EXOC6: variants seen among roughly 807,000 people sequenced by gnomAD.
EXOC6 encodes SEC15-like 1.
EXOC6 carries 60 observed loss-of-function variants against 112.5 expected under a neutral mutation model. The observed-to-expected ratio is 0.53, with a 90% confidence interval of 0.43 to 0.66. The LOEUF is 0.66. EXOC6 is among the 30% of genes least tolerant of loss of function. The pLI is 0.00. For synonymous variants in EXOC6, 295 were observed against 308.0 expected (o/e 0.96, Z 0.44); for missense variants, 855 against 957.1 (o/e 0.89, Z 1.41).
rs1006028075 is a variant in EXOC6, at chr10:92,987,668, C to T, written c.1954-9806C>T. 10 of 967,190 alleles carry T rather than the reference C, an allele frequency of 1.0e-5. No individual in the cohort carries two copies. The African/African-American group carries it at 1.8e-4, about 17-fold the overall frequency. 59.9% of individuals were successfully genotyped at this position (967,190 alleles called of 1,614,324 possible). ...GTAAGTAGATATAAACTAAAGCTAG[C>T]ATGTACATTAGAAAATAATGAATTT... On this transcript the variant is annotated intron_variant, in intron 18 of 21. Transcript: ENST00000260762.
At chr10:92,997,385 A>C in intron 18 of EXOC6, 89 bp from the exon 19 acceptor site, 1 of 1,266,998 alleles carries the variant, frequency 7.9e-7, no homozygotes. Flanking sequence ...CAACAAAAAG[A>C]ATGCCAGGTG....
At chr10:92,918,272 T>C (rs973712363) in intron 7 of EXOC6, among the ~76,000 whole-genome samples, 1 of 152,192 alleles carries the variant, frequency 6.6e-6, no homozygotes, top group African/African-American at 2.4e-5. Context: ...AATTTATAAG[T>C]TTTGCCTTGC....
intron 2 of EXOC6, among the ~76,000 whole-genome samples, chr10:92,893,755 G>A (rs1849619024): frequency 1.3e-5 from 2 of 152,132 alleles, no homozygotes; most frequent in Admixed American, 1.3e-4. Flanking sequence ...TTTCCATGCA[G>A]GGAAGTGAAC....
At chr10:92,923,278 C>A (rs1410107455) in intron 8 of EXOC6, among the ~76,000 whole-genome samples, 1 of 152,196 alleles carries the variant, frequency 6.6e-6, no homozygotes, top group Non-Finnish European at 1.5e-5. Context: ...GAACAGTTTC[C>A]TTCTTCAACA....
At chr10:93,054,534 G>A (rs547099538) in intron 20 of EXOC6, among the ~76,000 whole-genome samples, 9 of 152,164 alleles carry the variant, frequency 5.9e-5, no homozygotes, top group Non-Finnish European at 1.3e-4. Context: ...TAATTTCTGC[G>A]GATTTGCACA....
intron 1 of EXOC6, among the ~76,000 whole-genome samples, chr10:92,858,353 T>C (rs1847727647): frequency 1.3e-5 from 2 of 152,234 alleles, no homozygotes; most frequent in Non-Finnish European, 2.9e-5. Flanking sequence ...CCATCTCATG[T>C]ATGCTGGTGT....
In EXOC6 at chr10:93,058,492, A is replaced by C. The variant is rs1272293358; in HGVS notation, c.*137A>C. ...GAAGATACATGAGGGCTTAAACAAG[A>C]AATAGTAATAAATATCATTTGTATG... On this transcript the variant is annotated 3_prime_UTR_variant, in exon 22 of 22. Coordinates refer to ENST00000260762, the MANE Select transcript of EXOC6 (RefSeq NM_019053.6). The C allele has an allele frequency of 1.4e-5, 7 of 502,844 alleles. No individual in the cohort carries two copies. The highest frequency in any genetic ancestry group is 2.3e-5 in the Non-Finnish European group (7 of 305,640). 31.1% of individuals were successfully genotyped at this position (502,844 alleles called of 1,614,324 possible).
intron 20 of EXOC6, among the ~76,000 whole-genome samples, chr10:93,033,916 G>A (rs1845389590): frequency 6.6e-6 from 1 of 152,180 alleles, no homozygotes; most frequent in African/African-American, 2.4e-5. Context: ...AAAAAGTTAG[G>A]AGTGTAAAAA....
chr10:93,030,127 C>G (rs1408556372), intron 20 of EXOC6, among the ~76,000 whole-genome samples: 1 of 152,110 alleles, frequency 6.6e-6, no homozygotes, highest in East Asian at 1.9e-4. Flanking sequence ...AGGCTGGTTT[C>G]GAACTCCCAA....
intron 9 of EXOC6, among the ~76,000 whole-genome samples, chr10:92,931,759 A>G (rs1381771188): frequency 1.3e-5 from 2 of 152,012 alleles, no homozygotes; most frequent in African/African-American, 4.8e-5. Context: ...TACTTACTAG[A>G]ATGACTAAAA....
intron 18 of EXOC6, among the ~76,000 whole-genome samples, chr10:92,991,264 C>T (rs835253): frequency 0.01 from 1,556 of 151,404 alleles, 30 homozygotes; most frequent in African/African-American, 0.036. Flanking sequence ...GGTGACACCC[C>T]GTCTCTACCA....
chr10:92,918,735 T>A (rs899008932), intron 7 of EXOC6, among the ~76,000 whole-genome samples: 2 of 152,170 alleles, frequency 1.3e-5, no homozygotes, highest in African/African-American at 4.8e-5. Flanking sequence ...CTATGTACAT[T>A]TCTGCTGTAT....
chr10:92,974,313 T>G, intron 18 of EXOC6, 81 bp downstream of exon 18: 1 of 843,366 alleles, frequency 1.2e-6, no homozygotes, highest in Non-Finnish European at 1.7e-6. Flanking sequence ...GTTTCCTTGC[T>G]TAAACCAACT....
intron 20 of EXOC6, among the ~76,000 whole-genome samples, chr10:93,038,614 A>G (rs1211346708): frequency 2.0e-5 from 3 of 152,222 alleles, no homozygotes; most frequent in African/African-American, 7.2e-5. Flanking sequence ...TATTGATTCA[A>G]CAATATTGAG....
At chr10:93,018,701 T>G (rs1247405632) in intron 20 of EXOC6, among the ~76,000 whole-genome samples, 1 of 151,922 alleles carries the variant, frequency 6.6e-6, no homozygotes, top group Non-Finnish European at 1.5e-5. Flanking sequence ...GACAAATCAG[T>G]GGGAGAAAGC....
Position 92,935,755 on chromosome 10 carries a change from A to G in EXOC6, c.1141-59A>G, listed in dbSNP as rs1032234215. Reference sequence around the variant, plus strand: ...ATTTCTTATTTCTTAGTTTTTAATCATATGACTCTGGTTTGTTGTTGTCGG... The same window carrying G: ...ATTTCTTATTTCTTAGTTTTTAATCGTATGACTCTGGTTTGTTGTTGTCGG... On this transcript the variant is annotated intron_variant, in intron 11 of 21. Coordinates refer to ENST00000260762, the MANE Select transcript of EXOC6 (RefSeq NM_019053.6). The G allele has an allele frequency of 6.3e-6, 7 of 1,111,046 alleles. No individual in the cohort carries two copies. The African/African-American group carries it at 7.8e-5, about 12-fold the overall frequency. 68.8% of individuals were successfully genotyped at this position (1,111,046 alleles called of 1,614,324 possible). A position where few individuals can be genotyped will look rare whatever the true frequency, so the allele number is the denominator to read the frequency against.
chr10:92,898,666 A>G (rs760460130), intron 4 of EXOC6, among the ~76,000 whole-genome samples: 8 of 152,046 alleles, frequency 5.3e-5, no homozygotes, highest in Admixed American at 6.6e-5. Context: ...AAAAAATTAC[A>G]TTACAATATA....
chr10:92,993,121 TA>T (rs1176539545), intron 18 of EXOC6, among the ~76,000 whole-genome samples: 4 of 152,144 alleles, frequency 2.6e-5, no homozygotes, highest in African/African-American at 9.6e-5. Flanking sequence ...GTGTTAGGTT[TA>T]ATATCCAAAT....
rs1843887350 is a variant in EXOC6 at position 93,004,382 on chromosome 10, TG to T, written c.2095+6769del. On this transcript the variant is annotated intron_variant, in intron 19 of 21. Transcript: ENST00000260762. ...ATCAGGAACTCTCTGTAACCAACAC[TG>T]GTCTCTTCTAGAGTTCTACCTTTGT... Among the ~76,000 whole-genome samples the T allele has an allele frequency of 2.0e-5, 3 of 152,308 alleles. No homozygotes were observed. The South Asian group carries it at 6.2e-4, about 32-fold the overall frequency.
Sources: allele counts gnomAD v4.1 joint callset (sites outside exome capture counted in the v4.1 genomes callset), GRCh38; gene constraint gnomAD v4.1.1; transcripts MANE v1.5; gene names NCBI Gene and HGNC (gene_info 2026-07-23, HGNC 2026-07-21).